FCAR: variants seen among roughly 807,000 people sequenced by gnomAD.
The protein encoded by FCAR is Fc alpha receptor, also known as immunoglobulin alpha Fc receptor.
Under a neutral mutation model 27.1 loss-of-function variants are expected in FCAR, and 21 were observed. The observed-to-expected ratio is 0.77, with a 90% CI of 0.55 to 1.11. The LOEUF (loss-of-function observed/expected upper bound fraction) is 1.11, where lower values mean the gene tolerates loss of function less well. Among genes scored for constraint, FCAR ranks in the 50% most tolerant of loss-of-function variants. FCAR has a pLI of 0.00. For missense variants in FCAR, 404 were observed against 358.4 expected, an observed-to-expected ratio of 1.13 and a Z score of -1.03; for synonymous variants, 134 against 135.8, an observed-to-expected ratio of 0.99 and a Z score of 0.09.
intron 2 of FCAR, among the ~76,000 whole-genome samples, chr19:54,882,644 G>C (rs1193764697): frequency 6.6e-6 from 1 of 151,596 alleles, no homozygotes; most frequent in Non-Finnish European, 1.5e-5. Context: ...TTGTCACGTT[G>C]GTCAGGCTGG....
rs928557064 is a variant in FCAR, at chr19:54,878,806, A to ACTT, written c.70+3442_70+3444dup. Among the ~76,000 whole-genome samples, 291 of 68,066 alleles carry ACTT rather than the reference A, an allele frequency of 4.3e-3. 3 individuals are homozygous for ACTT. The highest frequency in any genetic ancestry group is 0.033 in the Middle Eastern group (3 of 92). The allele number at this position is 68,066 out of a possible 152,430, so 44.7% of individuals were successfully genotyped here. A position where few individuals can be genotyped will look rare whatever the true frequency, so the allele number is the denominator to read the frequency against. Reference sequence around the variant, plus strand: ...TTGGTAGATTTTTCTCCATTTCTTTACTTTGAGCCTATGGATGTCATTGCA... The same window carrying ACTT: ...TTGGTAGATTTTTCTCCATTTCTTTACTTCTTTGAGCCTATGGATGTCATTGCA... On this transcript the variant is annotated intron_variant, in intron 2 of 4. Coordinates refer to ENST00000355524, the MANE Select transcript of FCAR (RefSeq NM_002000.4).
rs1384142548 is a variant in FCAR at position 54,874,311 on chromosome 19, C to A, written c.22C>A (p.Leu8Ile). 3.1e-6 allele frequency: 5 copies of A among 1,614,068 alleles called. No homozygotes were observed. In the African/African-American group the frequency reaches 4.0e-5, roughly 13 times the overall value. The stretch of plus-strand genomic sequence containing the variant: ...CACGATGGACCCCAAACAGACCACC[C>A]TCCTGTGTCTTGGTGAGTTTCAGAG... MDPKQTT[L>I]LCLVLCLGQR... Residue 8 changes from leucine (L) to isoleucine (I), a missense_variant, in exon 1 of 5, where the codon CTC becomes ATC. Physicochemically the swap from Leu to Ile is conservative, Grantham distance 5. Coordinates refer to ENST00000355524, the MANE Select transcript of FCAR (RefSeq NM_002000.4).
At chr19:54,882,298 C>T (rs8102504) in intron 2 of FCAR, among the ~76,000 whole-genome samples, 10,060 of 152,266 alleles carry the variant, frequency 0.066, 1,042 homozygotes, top group African/African-American at 0.22. Context: ...AATTTCTCCT[C>T]AATTTCGAAG....
chr19:54,884,496 G>A (rs2066593823), intron 2 of FCAR, among the ~76,000 whole-genome samples: 1 of 152,052 alleles, frequency 6.6e-6, no homozygotes, highest in Non-Finnish European at 1.5e-5. Context: ...TCCAGGCATG[G>A]TGGTGGGCAC....
chr19:54,882,793 C>T (rs1601924975), intron 2 of FCAR, among the ~76,000 whole-genome samples: 3 of 152,172 alleles, frequency 2.0e-5, no homozygotes, highest in African/African-American at 2.4e-5. Flanking sequence ...ACTGTGATGT[C>T]GGTTGAGTAC....
At chr19:54,875,500 CATA>C (rs771811507) in intron 2 of FCAR, 135 bp downstream of exon 2, 20 of 758,396 alleles carry the variant, frequency 2.6e-5, no homozygotes, top group Admixed American at 1.1e-4. Flanking sequence ...GCTTCTCTTG[CATA>C]ATTTCTATCT....
intron 4 of FCAR, 113 bp from the exon 5 acceptor site, chr19:54,889,536 G>A: frequency 1.3e-6 from 1 of 784,290 alleles, no homozygotes; most frequent in Admixed American, 1.8e-5. Context: ...ATGCTTGAGG[G>A]AGTCCCATTT....
In FCAR at chr19:54,887,007, C is replaced by T. The variant is rs144751777; in HGVS notation, c.362-1000C>T. 3.2e-3 allele frequency among the ~76,000 whole-genome samples: 479 copies of T among 148,392 alleles called. 1 individual carries two copies. Among genetic ancestry groups the T allele is most frequent in the African/African-American group, 0.011 (445 of 40,706 alleles). On this transcript the variant is annotated intron_variant, in intron 3 of 4. Transcript: ENST00000355524. ...GTAACTGTGGCCAGACACCGTGGCT[C>T]GTGCCTGTAATCCCAGCACTTTGGG...
rs764631672 is a variant in FCAR, at chr19:54,875,333, T to C, written c.38T>C (p.Leu13Pro). 2 of 1,613,720 alleles carry C rather than the reference T, an allele frequency of 1.2e-6. No individual in the cohort carries two copies. The highest frequency in any genetic ancestry group is 4.5e-5 in the East Asian group (2 of 44,870). ...TTCATAAATCTCTCTCTTCCAGTGCTCTGTCTGGGCCAGAGGATTCAGGCA... is the reference window on the plus strand; with the variant it reads ...TTCATAAATCTCTCTCTTCCAGTGCCCTGTCTGGGCCAGAGGATTCAGGCA... ...PKQTTLLCLV[L>P]CLGQRIQAQE... The change falls in exon 2 of 5, where the codon CTC becomes CCC. Residue 13 changes from leucine (L) to proline (P), a missense_variant. Leu to Pro is a moderately conservative substitution (Grantham distance 98). Transcript: ENST00000355524.
chr19:54,875,261 T>C (rs1349380280), intron 1 of FCAR, 69 bp from the exon 2 acceptor site: 2 of 1,358,532 alleles, frequency 1.5e-6, no homozygotes, highest in South Asian at 1.2e-5. Flanking sequence ...TGGTCTGTCA[T>C]TACAGAGGGT....
At chr19:54,876,057 T>C (rs1296781916) in intron 2 of FCAR, among the ~76,000 whole-genome samples, 1 of 152,226 alleles carries the variant, frequency 6.6e-6, no homozygotes, top group Non-Finnish European at 1.5e-5. Context: ...CCTCCCTGGT[T>C]AGCTGTATTC....
chr19:54,884,407 G>A (rs1275923889), intron 2 of FCAR, among the ~76,000 whole-genome samples: 2 of 152,098 alleles, frequency 1.3e-5, no homozygotes, highest in African/African-American at 2.4e-5. Flanking sequence ...CGAGGCAGGT[G>A]GATCACTTGA....
chr19:54,880,734 T>TTTGAGCACAGTCAGTA (rs1360730031), intron 2 of FCAR: 1 of 152,214 alleles, frequency 6.6e-6, no homozygotes, highest in East Asian at 1.9e-4. Context: ...CGTGATGTAA[T>TTTGAGCACAGTCAGTA]TTGAGCACAG....
chr19:54,887,923 A>C, intron 3 of FCAR, 84 bp from the exon 4 acceptor site: 1 of 1,149,572 alleles, frequency 8.7e-7, no homozygotes, highest in Non-Finnish European at 1.2e-6. Flanking sequence ...ATCTCAAAAA[A>C]ATATATAATA....
At chr19:54,874,531 T>G (rs1320026955) in intron 1 of FCAR, among the ~76,000 whole-genome samples, 1 of 152,160 alleles carries the variant, frequency 6.6e-6, no homozygotes, top group East Asian at 1.9e-4. Flanking sequence ...GTTTAATATT[T>G]GTATTAAACC....
chr19:54,876,897 G>A (rs587765551), intron 2 of FCAR, among the ~76,000 whole-genome samples: 1 of 152,268 alleles, frequency 6.6e-6, no homozygotes, highest in South Asian at 2.1e-4. Flanking sequence ...CTCCAGCCTG[G>A]GCAACAGAGC....
chr19:54,876,596 T>C (rs1321324953), intron 2 of FCAR, among the ~76,000 whole-genome samples: 1 of 152,162 alleles, frequency 6.6e-6, no homozygotes, highest in African/African-American at 2.4e-5. Context: ...GGGAGGGTTG[T>C]TCTATTTATG....
chr19:54,889,920 T>C lies in FCAR; in HGVS notation c.*57T>C. ...GACTGTGGAGTCCGACAAAGCTACT[T>C]GAAGGACACAAGAGAGAAAAGCTCA... On this transcript the variant is annotated 3_prime_UTR_variant, in exon 5 of 5. Coordinates refer to ENST00000355524, the MANE Select transcript of FCAR (RefSeq NM_002000.4). 1 of 1,269,746 alleles carries C rather than the reference T, an allele frequency of 7.9e-7. No homozygotes were observed. Among genetic ancestry groups the C allele is most frequent in the Non-Finnish European group, 1.1e-6 (1 of 888,646 alleles). The allele number at this position is 1,269,746 out of a possible 1,614,324, so 78.7% of individuals were successfully genotyped here. A position where few individuals can be genotyped will look rare whatever the true frequency, so the allele number is the denominator to read the frequency against.
At chr19:54,883,621 G>A (rs1293853119) in intron 2 of FCAR, among the ~76,000 whole-genome samples, 1 of 152,188 alleles carries the variant, frequency 6.6e-6, no homozygotes, top group South Asian at 2.1e-4. Flanking sequence ...CAGCAAGGGT[G>A]ATTGGAGCCA....
Sources: allele counts gnomAD v4.1 joint callset (sites outside exome capture counted in the v4.1 genomes callset), GRCh38; gene constraint gnomAD v4.1.1; transcripts MANE v1.5; gene names NCBI Gene and HGNC (gene_info 2026-07-23, HGNC 2026-07-21).